The following SLC24A4 variants were observed in gnomAD, a reference collection of about 807,000 sequenced individuals.
The protein encoded by SLC24A4 is sodium/potassium/calcium exchanger 4.
SLC24A4 carries 53 observed loss-of-function variants against 79.0 expected under a neutral mutation model. That is an observed-to-expected ratio of 0.67 (90% CI 0.54 to 0.84). SLC24A4 has a LOEUF of 0.84. Among genes scored for constraint, SLC24A4 ranks in the 40% least tolerant of loss-of-function variants. SLC24A4 has a pLI of 0.00. For missense variants in SLC24A4, 731 were observed against 822.0 expected (o/e 0.89, Z 1.35); for synonymous variants, 323 against 323.8 (o/e 1.00, Z 0.03).
At chr14:92,362,906 C>G (rs1440936541) in intron 2 of SLC24A4, among the ~76,000 whole-genome samples, 1 of 152,242 alleles carries the variant, frequency 6.6e-6, no homozygotes, top group African/African-American at 2.4e-5. Context: ...TGGATGCCTG[C>G]TGGATGCAGA....
Position 92,482,704 on chromosome 14 carries a change from G to A in SLC24A4, c.1280G>A (p.Trp427Ter). Residue 427 changes from tryptophan to a stop codon, truncating the protein, a stop_gained, in exon 13 of 17, where the codon TGG becomes TAG. Transcript: ENST00000532405. LOFTEE classifies it high-confidence loss of function. Reference sequence around the variant, plus strand: ...GAGGCCAGAGGGGACAAGGTCAAGTGGGTGTTCACCTGGCCCCTCATCTTC... The same window carrying A: ...GAGGCCAGAGGGGACAAGGTCAAGTAGGTGTTCACCTGGCCCCTCATCTTC... ...VPEARGDKVK[W>*]VFTWPLIFLL... The A allele has an allele frequency of 6.2e-7, 1 of 1,613,870 alleles. No homozygotes were observed. The highest frequency in any genetic ancestry group is 8.5e-7 in the Non-Finnish European group (1 of 1,179,852).
At chr14:92,423,384 A>G (rs1766650917) in intron 2 of SLC24A4, among the ~76,000 whole-genome samples, 1 of 152,190 alleles carries the variant, frequency 6.6e-6, no homozygotes, top group Admixed American at 6.5e-5. Context: ...GACTCAAGCA[A>G]TCTGCCTGCC....
Position 92,442,192 on chromosome 14 carries a change from C to T in SLC24A4, c.478+19C>T, listed in dbSNP as rs201316147. 1.3e-5 allele frequency: 21 copies of T among 1,604,412 alleles called. No individual in the cohort carries two copies. The East Asian group carries it at 3.8e-4, about 29-fold the overall frequency. ...GTTATTGGTAAGAAATCCCCTCCAGCCTGAGACACAGGATCTAGAGAGTCC... is the reference window on the plus strand; with the variant it reads ...GTTATTGGTAAGAAATCCCCTCCAGTCTGAGACACAGGATCTAGAGAGTCC... On this transcript the variant is annotated intron_variant, in intron 5 of 16. Coordinates refer to ENST00000532405, the MANE Select transcript of SLC24A4 (RefSeq NM_153646.4).
chr14:92,460,557 T>TACACAA (rs1192088514), intron 12 of SLC24A4, among the ~76,000 whole-genome samples: 2 of 152,290 alleles, frequency 1.3e-5, no homozygotes, highest in East Asian at 1.9e-4. Flanking sequence ...ACCTGTTATG[T>TACACAA]GCCAGGTCTG....
chr14:92,357,758 T>C (rs1010802911), intron 2 of SLC24A4, among the ~76,000 whole-genome samples: 61 of 152,198 alleles, frequency 4.0e-4, no homozygotes, highest in African/African-American at 1.5e-3. Flanking sequence ...GTTCTGGCGC[T>C]GGACGGGGGT....
intron 15 of SLC24A4, 70 bp from the exon 16 acceptor site, chr14:92,492,105 T>C: frequency 7.1e-7 from 1 of 1,408,364 alleles, no homozygotes; most frequent in Non-Finnish European, 1.0e-6. Flanking sequence ...GGCCCAGGCA[T>C]GCTGGGATTT....
chr14:92,492,825 AG>A (rs919008870), intron 16 of SLC24A4: 13 of 455,122 alleles, frequency 2.9e-5, no homozygotes, highest in Non-Finnish European at 5.3e-5. Flanking sequence ...TTTTACTCGC[AG>A]TGCTCCAGTG....
intron 2 of SLC24A4, among the ~76,000 whole-genome samples, chr14:92,332,098 C>CT (rs1174812212): frequency 1.3e-5 from 2 of 151,830 alleles, no homozygotes; most frequent in Non-Finnish European, 2.9e-5. Context: ...GGCCAACATG[C>CT]TGAAACCCCC....
At chr14:92,474,947 C>T (rs1014238840) in intron 12 of SLC24A4, among the ~76,000 whole-genome samples, 2 of 149,144 alleles carry the variant, frequency 1.3e-5, no homozygotes, top group African/African-American at 4.9e-5. Flanking sequence ...ATCCACCCAC[C>T]TTGGCCTCCC....
intron 10 of SLC24A4, among the ~76,000 whole-genome samples, chr14:92,449,782 G>A (rs757741880): frequency 5.9e-5 from 9 of 152,214 alleles, no homozygotes; most frequent in South Asian, 2.1e-4. Context: ...CAGCCCCGCC[G>A]GGGAGCCCCT....
In SLC24A4 at chr14:92,353,951, C is replaced by T. The variant is rs769345702; in HGVS notation, c.241+27973C>T. On this transcript the variant is annotated intron_variant, in intron 2 of 16. Transcript: ENST00000532405. This position sits in a 1 kb window ranked among gnomAD's most constrained non-coding sequence, Gnocchi z 4.1. ...AGCAGGAGAGTTGATGGGCTGACCC[C>T]GTGCTGGAGTCACCTCGCAGTCACT... 1.3e-5 allele frequency among the ~76,000 whole-genome samples: 2 copies of T among 152,194 alleles called. No homozygotes were observed. Among genetic ancestry groups the T allele is most frequent in the South Asian group, 2.1e-4 (1 of 4,832 alleles).
At position 92,493,893 on chromosome 14, in the gene SLC24A4, C is replaced by G; in HGVS notation, c.*265C>G. 1 of 491,704 alleles carries G rather than the reference C, an allele frequency of 2.0e-6. No individual in the cohort carries two copies. Among genetic ancestry groups the G allele is most frequent in the Non-Finnish European group, 3.7e-6 (1 of 273,840 alleles). The allele number at this position is 491,704 out of a possible 1,614,324, so 30.5% of individuals were successfully genotyped here. On this transcript the variant is annotated 3_prime_UTR_variant, in exon 17 of 17. Transcript: ENST00000532405. ...CTTCAAAGACCCCTGAGCTGCCAAC[C>G]ACGGAGATGTGCCAAGCATCTCATC... is the stretch of plus-strand genomic sequence containing the variant.
At chr14:92,364,133 C>G (rs1296171770) in intron 2 of SLC24A4, among the ~76,000 whole-genome samples, 12 of 152,242 alleles carry the variant, frequency 7.9e-5, no homozygotes, top group Non-Finnish European at 1.5e-5. Flanking sequence ...TCTACTACTG[C>G]TTTCGTGACA....
rs1566700231 is a variant in SLC24A4 at position 92,343,654 on chromosome 14, T to TTCCTTCCTTCCTTCCC, written c.241+17691_241+17692insCTCCTTCCTTCCTTCC. ...TTTCTTTCTTTCTCTCTTTCCTTCT[T>TTCCTTCCTTCCTTCCC]TCCTTCCTTCCTTCCTTCCTTCCTT... is the stretch of plus-strand genomic sequence containing the variant. On this transcript the variant is annotated intron_variant, in intron 2 of 16. Transcript: ENST00000532405. 1.8e-3 allele frequency among the ~76,000 whole-genome samples: 142 copies of TTCCTTCCTTCCTTCCC among 77,098 alleles called. 1 individual carries two copies. The highest frequency in any genetic ancestry group is 6.9e-3 in the African/African-American group (107 of 15,416). The allele number at this position is 77,098 out of a possible 152,430, so 50.6% of individuals were successfully genotyped here.
rs766342167 is a variant in SLC24A4, at chr14:92,482,897, G to T, written c.1422+51G>T. On this transcript the variant is annotated intron_variant, in intron 13 of 16. Coordinates refer to ENST00000532405, the MANE Select transcript of SLC24A4 (RefSeq NM_153646.4). ...CTGTGTGCACAGCCAGGGAGAGGTG[G>T]AGAGCTGGGTTCAAGGCTAACCACA... 22 of 1,557,524 alleles carry T rather than the reference G, an allele frequency of 1.4e-5. No individual in the cohort carries two copies. In the Admixed American group the frequency reaches 4.0e-4, roughly 28 times the overall value.
intron 2 of SLC24A4, among the ~76,000 whole-genome samples, chr14:92,385,773 C>G (rs1889122296): frequency 6.6e-6 from 1 of 152,190 alleles, no homozygotes; most frequent in African/African-American, 2.4e-5. Context: ...TCCCATGAGG[C>G]TGAGCTGGGT....
At chr14:92,371,468 A>G (rs1256435357) in intron 2 of SLC24A4, among the ~76,000 whole-genome samples, 1 of 152,200 alleles carries the variant, frequency 6.6e-6, no homozygotes, top group Non-Finnish European at 1.5e-5. Context: ...ACCCACCTAC[A>G]TAATAAAAAA....
intron 2 of SLC24A4, among the ~76,000 whole-genome samples, chr14:92,393,967 C>T (rs1318573184): frequency 6.6e-6 from 1 of 151,806 alleles, no homozygotes; most frequent in Non-Finnish European, 1.5e-5. Context: ...GCTAAGATTG[C>T]ACCACTGCAC....
chr14:92,323,731 G>A lies in SLC24A4; in HGVS notation c.-100G>A. The A allele has an allele frequency of 7.0e-7, 1 of 1,424,166 alleles. No individual in the cohort carries two copies. The highest frequency in any genetic ancestry group is 9.3e-7 in the Non-Finnish European group (1 of 1,076,980). 88.2% of individuals were successfully genotyped at this position (1,424,166 alleles called of 1,614,324 possible). A position where few individuals can be genotyped will look rare whatever the true frequency, so the allele number is the denominator to read the frequency against. ...CCGGAGCTCCTCGCCTCTGAGTCGC[G>A]CACCGCCTGCTCCAGCCCCAGCGCC... On this transcript the variant is annotated 5_prime_UTR_variant, in exon 1 of 17. Coordinates refer to ENST00000532405, the MANE Select transcript of SLC24A4 (RefSeq NM_153646.4). This position sits in a 1 kb window ranked among gnomAD's most constrained non-coding sequence, Gnocchi z 4.9.
Sources: gnomAD v4.1 joint callset for allele counts (sites outside exome capture counted in the v4.1 genomes callset) on GRCh38, gnomAD v4.1.1 for gene constraint, Gnocchi (gnomAD v3.1) non-coding constraint, MANE v1.5 for transcripts, NCBI Gene and HGNC (gene_info 2026-07-23, HGNC 2026-07-21) for gene names.